MYH13: variants seen among roughly 807,000 people sequenced by gnomAD.
The protein encoded by MYH13 is myosin-13.
A neutral mutation model predicts 232.1 loss-of-function variants in MYH13; 177 were observed. That is an observed-to-expected ratio of 0.76 (90% CI 0.67 to 0.86). The LOEUF (loss-of-function observed/expected upper bound fraction) is 0.86, where lower values mean the gene tolerates loss of function less well. Ranked by LOEUF, MYH13 falls within the 40% of genes least tolerant of loss-of-function variation. The pLI is 0.00. For missense variants in MYH13, 2,246 were observed against 2,405.9 expected (o/e 0.93, Z 1.39); for synonymous variants, 884 against 923.5 (o/e 0.96, Z 0.78).
At chr17:10,364,608 C>A (rs2071819302) in intron 2 of MYH13, 66 bp from the exon 3 acceptor site, 10 of 1,380,288 alleles carry the variant, frequency 7.2e-6, no homozygotes, top group Non-Finnish European at 1.0e-5. Flanking sequence ...AGGGCCCCTA[C>A]CCTTATTCTA....
At chr17:10,359,271 G>A (rs1381581042) in intron 7 of MYH13, among the ~76,000 whole-genome samples, 1 of 152,144 alleles carries the variant, frequency 6.6e-6, no homozygotes, top group African/African-American at 2.4e-5. Flanking sequence ...AGGGCTGGAG[G>A]TTGAGTCAAT....
At chr17:10,301,000 G>T in intron 40 of MYH13, 35 bp from the exon 41 acceptor site, 1 of 1,600,770 alleles carries the variant, frequency 6.2e-7, no homozygotes, top group Non-Finnish European at 8.6e-7. Flanking sequence ...CATAGGAAAT[G>T]AGTCAACTAA....
chr17:10,314,200 A>T (rs1354893178), intron 29 of MYH13, among the ~76,000 whole-genome samples: 1 of 152,170 alleles, frequency 6.6e-6, no homozygotes, highest in Non-Finnish European at 1.5e-5. Context: ...TGGGCGGATC[A>T]CCTGAGGCCA....
chr17:10,338,703 T>TGG (rs1555550867), intron 18 of MYH13, among the ~76,000 whole-genome samples: 1 of 55,620 alleles, frequency 1.8e-5, no homozygotes, highest in African/African-American at 6.2e-5. Context: ...TTTTTTTTTT[T>TGG]TTGTTTGTTT....
Position 10,306,857 on chromosome 17 carries a change from AACAT to A in MYH13, c.5295+78_5295+81del. ...AACCGATTGTTGTCATAAGAGATGAAACATACTTGCCACACCCTGGCTCAGAGGC... is the reference window on the plus strand; with the variant it reads ...AACCGATTGTTGTCATAAGAGATGAAACTTGCCACACCCTGGCTCAGAGGC... On this transcript the variant is annotated intron_variant, in intron 36 of 40. Transcript: ENST00000252172. The surrounding 1 kb of genome is among the most constrained non-coding windows in gnomAD (Gnocchi z 4.3). 6.3e-7 allele frequency: 1 copy of A among 1,598,518 alleles called. No individual in the cohort carries two copies. The highest frequency in any genetic ancestry group is 8.5e-7 in the Non-Finnish European group (1 of 1,176,566).
intron 18 of MYH13, among the ~76,000 whole-genome samples, chr17:10,335,867 C>T (rs771104936): frequency 4.6e-5 from 7 of 152,034 alleles, no homozygotes; most frequent in South Asian, 2.1e-4. Context: ...TCTTAAGCAC[C>T]GGGAGCAGAG....
At chr17:10,308,443 CTTTTTTTTT>C (rs57432823) in intron 35 of MYH13, among the ~76,000 whole-genome samples, 2 of 113,110 alleles carry the variant, frequency 1.8e-5, no homozygotes, top group African/African-American at 3.4e-5. Context: ...TTAATTAAAA[CTTTTTTTTT>C]TTTTTTTTTT....
chr17:10,354,680 A>T lies in MYH13; in HGVS notation c.1005T>A (p.Asp335Glu). 1 of 1,611,690 alleles carries T rather than the reference A, an allele frequency of 6.2e-7. No individual in the cohort carries two copies. The highest frequency in any genetic ancestry group is 8.5e-7 in the Non-Finnish European group (1 of 1,178,038). Residue 335 changes from aspartate (D) to glutamate (E), a missense_variant and splice_region_variant, in exon 11 of 41, where the codon GAT (aspartate) becomes GAA (glutamate). Coordinates refer to ENST00000252172, the MANE Select transcript of MYH13 (RefSeq NM_003802.3). ...ACAGACAAATAAATGGCATGCTTAC[A>T]TCTGTCGCCAGCAGTTCTTCACTGT... ...IDDSEELLATDNAIDILGFSS... is the reference protein window; with the variant it reads ...IDDSEELLATENAIDILGFSS...
rs1346062250 is a variant in MYH13 at position 10,300,972 on chromosome 17, G to C, written c.5803-7C>G. The C allele has an allele frequency of 1.9e-6, 3 of 1,612,128 alleles. No individual in the cohort carries two copies. Among genetic ancestry groups the C allele is most frequent in the Non-Finnish European group, 2.5e-6 (3 of 1,178,834 alleles). On this transcript the variant is annotated splice_region_variant and splice_polypyrimidine_tract_variant and intron_variant, in intron 40 of 40. Coordinates refer to ENST00000252172, the MANE Select transcript of MYH13 (RefSeq NM_003802.3). ...AGCCTCATTCTTCCATCTTCTGTGG[G>C]AGAAAAAAATAATTGTACATAGGAA...
chr17:10,358,157 C>T lies in MYH13; in HGVS notation c.646-330G>A, dbSNP rs528817770. Among the ~76,000 whole-genome samples, 11 of 152,256 alleles carry T rather than the reference C, an allele frequency of 7.2e-5. No homozygotes were observed. The South Asian group carries it at 1.7e-3, about 23-fold the overall frequency. On this transcript the variant is annotated intron_variant, in intron 7 of 40. Transcript: ENST00000252172. ...AAATCATGGATTTTTATAACATGCA[C>T]CTCTGTTATTGCATGTAATATGACC...
At chr17:10,313,785 T>A (rs1906605127) in intron 29 of MYH13, among the ~76,000 whole-genome samples, 1 of 152,204 alleles carries the variant, frequency 6.6e-6, no homozygotes, top group Non-Finnish European at 1.5e-5. Flanking sequence ...TCAGAAGGAT[T>A]GGAACAATTA....
Position 10,314,082 on chromosome 17 carries a change from G to A in MYH13, c.3985-728C>T, listed in dbSNP as rs1238531983. ...CTCTGGTGCCACCATCAAAGAGAGA[G>A]TTCTGTCAGCCCACTTCAGTAATTT... On this transcript the variant is annotated intron_variant, in intron 29 of 40. Transcript: ENST00000252172. Among the ~76,000 whole-genome samples the A allele has an allele frequency of 2.0e-5, 3 of 152,204 alleles. No homozygotes were observed. In the East Asian group the frequency reaches 5.8e-4, roughly 29 times the overall value.
At chr17:10,311,029 T>TG in intron 33 of MYH13, 74 bp downstream of exon 33, 1 of 1,580,496 alleles carries the variant, frequency 6.3e-7, no homozygotes, top group Non-Finnish European at 8.6e-7. Flanking sequence ...AAAGGCCCCA[T>TG]GGGGTGGTGA....
At chr17:10,322,313 G>A (rs564939063) in intron 23 of MYH13, among the ~76,000 whole-genome samples, 4 of 151,966 alleles carry the variant, frequency 2.6e-5, no homozygotes, top group East Asian at 1.9e-4. Context: ...CAGGAGAATC[G>A]CTTGAAAACA....
rs1351182136 is a variant in MYH13, at chr17:10,327,893, C to T, written c.2664G>A (p.Lys888=). Residue 888 remains lysine (K), a synonymous_variant, in exon 22 of 41, where the codon AAG becomes AAA. Transcript: ENST00000252172. ...EEKMVSLLQE[K]NDLQLQVQSE... ...ACTGGACCTGCAATTGGAGGTCATTCTTCTCCTGCAGGAGGGAGACCATTT... is the reference window on the plus strand; with the variant it reads ...ACTGGACCTGCAATTGGAGGTCATTTTTCTCCTGCAGGAGGGAGACCATTT... The T allele has an allele frequency of 2.5e-6, 4 of 1,613,440 alleles. No homozygotes were observed. Among genetic ancestry groups the T allele is most frequent in the Middle Eastern group, 1.7e-4 (1 of 6,034 alleles).
chr17:10,353,115 A>C (rs1004813867), intron 11 of MYH13, among the ~76,000 whole-genome samples: 3 of 152,310 alleles, frequency 2.0e-5, no homozygotes, highest in African/African-American at 7.2e-5. Context: ...AGGCAAAGGC[A>C]GACCTGTACC....
chr17:10,364,675 A>G, intron 2 of MYH13, 133 bp from the exon 3 acceptor site: 1 of 721,494 alleles, frequency 1.4e-6, no homozygotes, highest in South Asian at 1.9e-5. Flanking sequence ...TGAGGGATCT[A>G]TGGCCAGGTC....
chr17:10,368,667 T>C (rs2071855958), intron 2 of MYH13, among the ~76,000 whole-genome samples: 1 of 152,202 alleles, frequency 6.6e-6, no homozygotes, highest in South Asian at 2.1e-4. Flanking sequence ...GCAGTGAAAA[T>C]GGCAAATAAC....
Position 10,346,887 on chromosome 17 carries a change from T to G in MYH13, c.1145-89A>C, listed in dbSNP as rs1289516254. On this transcript the variant is annotated intron_variant, in intron 12 of 40. Coordinates refer to ENST00000252172, the MANE Select transcript of MYH13 (RefSeq NM_003802.3). ...CCTGGCTTCTCCCAGAAGTGTTTTCTGTAATTTTCTTAAATGTTTTCATGT... is the reference window on the plus strand; with the variant it reads ...CCTGGCTTCTCCCAGAAGTGTTTTCGGTAATTTTCTTAAATGTTTTCATGT... 3.3e-5 allele frequency: 31 copies of G among 929,168 alleles called. No homozygotes were observed. The East Asian group carries it at 7.4e-4, about 22-fold the overall frequency. The allele number at this position is 929,168 out of a possible 1,614,324, so 57.6% of individuals were successfully genotyped here.
Sources: gnomAD v4.1 joint callset for allele counts (sites outside exome capture counted in the v4.1 genomes callset) on GRCh38, gnomAD v4.1.1 for gene constraint, Gnocchi (gnomAD v3.1) non-coding constraint, MANE v1.5 for transcripts, NCBI Gene and HGNC (gene_info 2026-07-23, HGNC 2026-07-21) for gene names.